SH3PXD2B: variants seen among roughly 807,000 people sequenced by gnomAD.
SH3PXD2B encodes the protein SH3 and PX domains 2B, also known as SH3 and PX domain-containing protein 2B.
A neutral mutation model predicts 73.1 loss-of-function variants in SH3PXD2B; 37 were observed. That is an observed-to-expected ratio of 0.51 (90% CI 0.39 to 0.67). SH3PXD2B has a LOEUF of 0.67. Ranked by LOEUF, SH3PXD2B falls within the 30% of genes least tolerant of loss-of-function variation. The pLI is 0.00. For synonymous variants in SH3PXD2B, 457 were observed against 480.5 expected (o/e 0.95, Z 0.64); for missense variants, 1,053 against 1,197.8 (o/e 0.88, Z 1.78).
At chr5:172,370,454 A>T (rs1034903979) in intron 6 of SH3PXD2B, among the ~76,000 whole-genome samples, 2 of 152,216 alleles carry the variant, frequency 1.3e-5, no homozygotes, top group African/African-American at 4.8e-5. Flanking sequence ...CCAAGGAATC[A>T]TGAGATTTGC....
chr5:172,348,165 C>G (rs1476447698), intron 10 of SH3PXD2B, among the ~76,000 whole-genome samples: 1 of 152,176 alleles, frequency 6.6e-6, no homozygotes, highest in Admixed American at 6.5e-5. Context: ...ATATAGACTT[C>G]ATTTTCCAGT....
rs369069648 is a variant in SH3PXD2B at position 172,338,673 on chromosome 5, G to A, written c.2432C>T (p.Ser811Phe). Residue 811 changes from serine to phenylalanine, a missense_variant, in exon 13 of 13, where the codon TCT becomes TTT. Ser to Phe is a radical substitution (Grantham distance 155). This residue lies in a region of SH3PXD2B where 587 missense variants were observed against 590.7 expected (regional missense o/e 0.99). Coordinates refer to ENST00000311601, the MANE Select transcript of SH3PXD2B (RefSeq NM_001017995.3). The surrounding 1 kb of genome is among the most constrained non-coding windows in gnomAD (Gnocchi z 5.1). Reference sequence around the variant, plus strand: ...TCGCGTGTCATCCTGGCCCCCCAAAGAGTTGGAGAGAAAAGGTTTGGCTTT... The same window carrying A: ...TCGCGTGTCATCCTGGCCCCCCAAAAAGTTGGAGAGAAAAGGTTTGGCTTT... ...PPKAKPFLSN[S>F]LGGQDDTRGK... 2.5e-6 allele frequency: 4 copies of A among 1,614,108 alleles called. No individual in the cohort carries two copies. In the African/African-American group the frequency reaches 5.3e-5, roughly 22 times the overall value.
rs372218158 is a variant in SH3PXD2B at position 172,432,089 on chromosome 5, C to T, written c.76-9593G>A. On this transcript the variant is annotated intron_variant, in intron 1 of 12. Transcript: ENST00000311601. ...TGGAGAGGCTGAGGCAGGAGAATCG[C>T]TTGAACCTGGGAGGTGGAGGTTGTA... 2.6e-5 allele frequency among the ~76,000 whole-genome samples: 4 copies of T among 152,160 alleles called. No individual in the cohort carries two copies. The East Asian group carries it at 7.7e-4, about 29-fold the overall frequency.
chr5:172,427,389 A>G (rs559425050), intron 1 of SH3PXD2B, among the ~76,000 whole-genome samples: 1 of 152,300 alleles, frequency 6.6e-6, no homozygotes, highest in South Asian at 2.1e-4. Context: ...TCTGTCACCC[A>G]GGGTGGAGTA....
chr5:172,330,884 T>A (rs895261270), downstream of SH3PXD2B, among the ~76,000 whole-genome samples: 3 of 152,220 alleles, frequency 2.0e-5, no homozygotes, highest in African/African-American at 7.2e-5. Context: ...TCTCAACTAT[T>A]AGCATGTACT....
Position 172,337,078 on chromosome 5 carries a change from A to C in SH3PXD2B, c.*1291T>G. ...CGTTGCTCCATAAGCTCTATTCCCC[A>C]GGGGGCAACAGCTTAGAAGAGGGAA... On this transcript the variant is annotated 3_prime_UTR_variant, in exon 13 of 13. Transcript: ENST00000311601. 1.0e-5 allele frequency: 10 copies of C among 955,308 alleles called. No homozygotes were observed. Among genetic ancestry groups the C allele is most frequent in the Non-Finnish European group, 1.2e-5 (10 of 819,652 alleles). 59.2% of individuals were successfully genotyped at this position (955,308 alleles called of 1,614,324 possible). A position where few individuals can be genotyped will look rare whatever the true frequency, so the allele number is the denominator to read the frequency against.
intron 1 of SH3PXD2B, among the ~76,000 whole-genome samples, chr5:172,432,564 G>A (rs927270436): frequency 1.3e-5 from 2 of 152,088 alleles, no homozygotes; most frequent in Non-Finnish European, 2.9e-5. Context: ...TTCGAGTATC[G>A]CTTTTGAGTT....
rs1353171491 is a variant in SH3PXD2B, at chr5:172,439,687, C to T, written c.75+14591G>A. Among the ~76,000 whole-genome samples the T allele has an allele frequency of 6.5e-4, 64 of 98,210 alleles. 1 individual carries two copies. Among genetic ancestry groups the T allele is most frequent in the South Asian group, 2.2e-3 (5 of 2,230 alleles). The allele number at this position is 98,210 out of a possible 152,430, so 64.4% of individuals were successfully genotyped here. On this transcript the variant is annotated intron_variant, in intron 1 of 12. Coordinates refer to ENST00000311601, the MANE Select transcript of SH3PXD2B (RefSeq NM_001017995.3). ...ATGTGTGTGCGTGCGTGCGCGCACG[C>T]GCGCGCACACACACACACACACACA...
intron 6 of SH3PXD2B, among the ~76,000 whole-genome samples, chr5:172,368,504 A>ATGT (rs1425640729): frequency 2.6e-5 from 1 of 38,348 alleles, no homozygotes; most frequent in African/African-American, 1.5e-4. Flanking sequence ...TATTATATAT[A>ATGT]TATATATAAA....
At position 172,421,134 on chromosome 5, in the gene SH3PXD2B, G is replaced by A. The variant is rs770841130; in HGVS notation, c.156+1282C>T. Reference sequence around the variant, plus strand: ...GAGAGGTGACATAGCCCCTTACCAGGAGGCTGGGAGAAGACACATGTTCAG... The same window carrying A: ...GAGAGGTGACATAGCCCCTTACCAGAAGGCTGGGAGAAGACACATGTTCAG... On this transcript the variant is annotated intron_variant, in intron 2 of 12. Transcript: ENST00000311601. The surrounding 1 kb of genome is among the most constrained non-coding windows in gnomAD (Gnocchi z 4.0). Among the ~76,000 whole-genome samples, 21 of 152,202 alleles carry A rather than the reference G, an allele frequency of 1.4e-4. No individual in the cohort carries two copies. Among genetic ancestry groups the A allele is most frequent in the Non-Finnish European group, 2.8e-4 (19 of 68,030 alleles).
chr5:172,425,745 G>T (rs1421143066), intron 1 of SH3PXD2B, among the ~76,000 whole-genome samples: 1 of 152,036 alleles, frequency 6.6e-6, no homozygotes, highest in African/African-American at 2.4e-5. Flanking sequence ...CAGGGTACAC[G>T]TTTAAAAATA....
intron 6 of SH3PXD2B, among the ~76,000 whole-genome samples, chr5:172,363,743 G>C (rs58111049): frequency 1.3e-5 from 2 of 152,106 alleles, no homozygotes; most frequent in Admixed American, 6.5e-5. Flanking sequence ...GAGTGGTTCT[G>C]AGTGAGGTCC....
chr5:172,433,446 C>T (rs1759299560), intron 1 of SH3PXD2B, among the ~76,000 whole-genome samples: 2 of 152,184 alleles, frequency 1.3e-5, no homozygotes, highest in Admixed American at 1.3e-4. Flanking sequence ...AGATTTTTTA[C>T]ACTTTATTTT....
chr5:172,432,076 G>A (rs1029909737), intron 1 of SH3PXD2B, among the ~76,000 whole-genome samples: 4 of 152,220 alleles, frequency 2.6e-5, no homozygotes, highest in Non-Finnish European at 5.9e-5. Flanking sequence ...GAGAGGCTGA[G>A]GCAGGAGAAT....
At chr5:172,419,691 G>A (rs1434451683) in intron 2 of SH3PXD2B, among the ~76,000 whole-genome samples, 2 of 152,158 alleles carry the variant, frequency 1.3e-5, no homozygotes, top group African/African-American at 4.8e-5. Flanking sequence ...TGGGTTTCAG[G>A]GAACAATATA....
chr5:172,409,098 C>T (rs541533268), intron 2 of SH3PXD2B, among the ~76,000 whole-genome samples: 135 of 152,224 alleles, frequency 8.9e-4, no homozygotes, highest in African/African-American at 2.8e-3. Flanking sequence ...AACACTAGAA[C>T]TGGCCAGGCG....
intron 6 of SH3PXD2B, among the ~76,000 whole-genome samples, chr5:172,365,767 C>T (rs1286563570): frequency 7.2e-5 from 11 of 152,228 alleles, no homozygotes; most frequent in Admixed American, 6.5e-4. Context: ...CCACCTGGCA[C>T]TTACTAGCTC....
rs181091130 is a variant in SH3PXD2B, at chr5:172,422,380, C to T, written c.156+36G>A. 1.8e-3 allele frequency: 2,758 copies of T among 1,557,430 alleles called. 2 individuals carry two copies. The highest frequency in any genetic ancestry group is 2.3e-3 in the Non-Finnish European group (2,597 of 1,142,386). ...AATGTAAGTCCAATTAAACTCTTTC[C>T]GATCCTGCAGCTCACCAGAGACCTC... On this transcript the variant is annotated intron_variant, in intron 2 of 12. Coordinates refer to ENST00000311601, the MANE Select transcript of SH3PXD2B (RefSeq NM_001017995.3).
At chr5:172,415,384 T>G (rs1758796595) in intron 2 of SH3PXD2B, among the ~76,000 whole-genome samples, 1 of 152,128 alleles carries the variant, frequency 6.6e-6, no homozygotes, top group Admixed American at 6.5e-5. Flanking sequence ...GGACTCTATG[T>G]GGGTAAATCT....
Sources: allele counts gnomAD v4.1 joint callset (sites outside exome capture counted in the v4.1 genomes callset), GRCh38; gene constraint gnomAD v4.1.1; regional missense constraint gnomAD v4.1.1; non-coding constraint Gnocchi (gnomAD v3.1); transcripts MANE v1.5; gene names NCBI Gene and HGNC (gene_info 2026-07-23, HGNC 2026-07-21).